TNC: variants seen among roughly 807,000 people sequenced by gnomAD.
The protein encoded by TNC is tenascin C.
In TNC, 109 loss-of-function variants were observed where a neutral mutation model predicts 202.4. The observed-to-expected ratio is 0.54, with a 90% confidence interval of 0.46 to 0.63. The LOEUF (loss-of-function observed/expected upper bound fraction) is 0.63, where lower values mean the gene tolerates loss of function less well. Ranked by LOEUF, TNC falls within the 30% of genes least tolerant of loss-of-function variation. The pLI, the probability that TNC is intolerant of heterozygous loss-of-function variation, is 0.00. For missense variants in TNC, 2,756 were observed against 2,833.3 expected, an observed-to-expected ratio of 0.97 and a Z score of 0.62; for synonymous variants, 1,007 against 1,089.7, an observed-to-expected ratio of 0.92 and a Z score of 1.50.
intron 16 of TNC, among the ~76,000 whole-genome samples, chr9:115,047,240 CT>C (rs397975455): frequency 0.011 from 1,151 of 107,186 alleles, 9 homozygotes; most frequent in African/African-American, 0.028. Flanking sequence ...CTACCCTTGA[CT>C]TTTTTTTTTT....
At chr9:115,065,053 C>T (rs1214909605) in intron 10 of TNC, 134 bp from the exon 11 acceptor site, 1 of 942,926 alleles carries the variant, frequency 1.1e-6, no homozygotes, top group African/African-American at 1.6e-5. Flanking sequence ...TTCACTGCAT[C>T]CCCTACTGGT....
At chr9:115,117,955 C>G (rs943833308) in intron 1 of TNC, 27 bp downstream of exon 1, 2 of 152,168 alleles carry the variant, frequency 1.3e-5, no homozygotes, top group South Asian at 4.1e-4. Flanking sequence ...ATAAGGATCT[C>G]TAGTGATGAG....
intron 25 of TNC, 64 bp downstream of exon 25, chr9:115,029,296 T>C (rs1048576559): frequency 6.8e-7 from 1 of 1,464,540 alleles, no homozygotes; most frequent in Non-Finnish European, 9.6e-7. Context: ...CCCTGTGGGT[T>C]AGGAAAAGTG....
Position 115,090,988 on chromosome 9 carries a change from C to A in TNC, c.31G>T (p.Val11Phe). MGAMTQLLAG[V>F]FLAFLALATE... ...GCGAGGGCAAGGAAAGCAAGAAAGA[C>A]ACCTGCCAACAGCTGAGTCATGGCC... The change falls in exon 2 of 28, where the codon GTC (valine) becomes TTC (phenylalanine). Residue 11 changes from valine (V) to phenylalanine (F), a missense_variant. Val to Phe is a conservative substitution (Grantham distance 50). This residue lies in a region of TNC where 2,559 missense variants were observed against 2,546.0 expected (regional missense o/e 1.01). Coordinates refer to ENST00000350763, the MANE Select transcript of TNC (RefSeq NM_002160.4). 6.2e-7 allele frequency: 1 copy of A among 1,612,872 alleles called. No homozygotes were observed. Among genetic ancestry groups the A allele is most frequent in the Non-Finnish European group, 8.5e-7 (1 of 1,180,022 alleles).
chr9:115,037,538 AT>A (rs1158075020), intron 20 of TNC, among the ~76,000 whole-genome samples: 2 of 151,806 alleles, frequency 1.3e-5, no homozygotes, highest in Admixed American at 1.3e-4. Flanking sequence ...TTTTATTTTT[AT>A]TTTTTTGAGA....
At chr9:115,066,530 C>A (rs1263177150) in intron 10 of TNC, among the ~76,000 whole-genome samples, 1 of 152,174 alleles carries the variant, frequency 6.6e-6, no homozygotes, top group African/African-American at 2.4e-5. Flanking sequence ...TGATTTAACT[C>A]AGACATTTCT....
chr9:115,038,406 G>C (rs1209857093), intron 19 of TNC, 26 bp from the exon 20 acceptor site: 12 of 1,612,006 alleles, frequency 7.4e-6, no homozygotes, highest in Non-Finnish European at 1.0e-5. Flanking sequence ...GTGGACAGGA[G>C]GGAAGTCATT....
In TNC at chr9:115,020,915, T is replaced by C. The variant is rs1177699444; in HGVS notation, c.*242A>G. The C allele has an allele frequency of 6.2e-6, 3 of 484,662 alleles. No homozygotes were observed. The allele number at this position is 484,662 out of a possible 1,614,324, so 30.0% of individuals were successfully genotyped here. On this transcript the variant is annotated 3_prime_UTR_variant, in exon 28 of 28. Transcript: ENST00000350763. ...TTGCGATGTTGTCACTGGGAGATTT[T>C]TGCTGAATCAAACAACAAAACAGAA...
At chr9:115,047,460 C>T (rs914551893) in intron 16 of TNC, among the ~76,000 whole-genome samples, 1 of 152,108 alleles carries the variant, frequency 6.6e-6, no homozygotes, top group Non-Finnish European at 1.5e-5. Flanking sequence ...GATCCTCTTC[C>T]TTAAAAAGTA....
chr9:115,083,046 C>A (rs59487455), intron 4 of TNC, among the ~76,000 whole-genome samples: 2 of 152,124 alleles, frequency 1.3e-5, no homozygotes, highest in African/African-American at 4.8e-5. Flanking sequence ...CTAAAATGAA[C>A]GCAGGCTTTG....
intron 17 of TNC, among the ~76,000 whole-genome samples, chr9:115,045,470 G>T (rs1470462632): frequency 6.6e-6 from 1 of 151,782 alleles, no homozygotes; most frequent in Non-Finnish European, 1.5e-5. Context: ...GGGCTCAAGA[G>T]ATCTTCCTGC....
chr9:115,053,875 A>G (rs896820517), intron 15 of TNC, among the ~76,000 whole-genome samples: 2 of 152,152 alleles, frequency 1.3e-5, no homozygotes, highest in African/African-American at 2.4e-5. Flanking sequence ...CTGCTTAGGA[A>G]ACTCAATTAT....
chr9:115,039,514 T>A (rs1257111199), intron 19 of TNC, among the ~76,000 whole-genome samples: 1 of 152,240 alleles, frequency 6.6e-6, no homozygotes, highest in Non-Finnish European at 1.5e-5. Context: ...CCTCTCCTAC[T>A]ACCCAACATC....
chr9:115,078,319 C>G (rs760941248), intron 6 of TNC, 107 bp from the exon 7 acceptor site: 3 of 1,303,010 alleles, frequency 2.3e-6, no homozygotes, highest in Admixed American at 2.8e-5. Flanking sequence ...AATACTTATA[C>G]TAACTGCTTG....
chr9:115,049,056 T>A (rs1831439112), intron 15 of TNC, among the ~76,000 whole-genome samples: 2 of 116,128 alleles, frequency 1.7e-5, no homozygotes, highest in African/African-American at 7.7e-5. Flanking sequence ...CAAGCTGAAA[T>A]AAAGGGAGGA....
chr9:115,076,507 T>A lies in TNC; in HGVS notation c.2743A>T (p.Asn915Tyr). ...TDNSITLEWR[N>Y]GKAAIDSYRI... ...TAACTGTCAATAGCTGCCTTGCCATTCCTCCATTCCAGGGTGATGCTGTTA... is the reference window on the plus strand; with the variant it reads ...TAACTGTCAATAGCTGCCTTGCCATACCTCCATTCCAGGGTGATGCTGTTA... Residue 915 changes from asparagine (N) to tyrosine (Y), a missense_variant, in exon 8 of 28, where the codon AAT becomes TAT. Physicochemically the swap from Asn to Tyr is moderately radical, Grantham distance 143. Coordinates refer to ENST00000350763, the MANE Select transcript of TNC (RefSeq NM_002160.4). The A allele has an allele frequency of 6.2e-7, 1 of 1,614,214 alleles. No homozygotes were observed. Among genetic ancestry groups the A allele is most frequent in the Non-Finnish European group, 8.5e-7 (1 of 1,180,036 alleles).
intron 16 of TNC, among the ~76,000 whole-genome samples, chr9:115,046,902 A>C (rs1463289522): frequency 2.0e-5 from 3 of 152,330 alleles, no homozygotes; most frequent in African/African-American, 7.2e-5. Flanking sequence ...CAAGTCAAGC[A>C]TATGTTTGCA....
chr9:115,085,334 C>T (rs1888220), intron 3 of TNC, among the ~76,000 whole-genome samples: 3 of 151,980 alleles, frequency 2.0e-5, no homozygotes, highest in African/African-American at 7.3e-5. Flanking sequence ...ATAGGCATTT[C>T]GTCTTTAGCC....
In TNC at chr9:115,090,669, G is replaced by A. The variant is rs557907900; in HGVS notation, c.350C>T (p.Pro117Leu). 12 of 1,613,972 alleles carry A rather than the reference G, an allele frequency of 7.4e-6. No homozygotes were observed. The African/African-American group carries it at 1.6e-4, about 22-fold the overall frequency. Residue 117 changes from proline to leucine, a missense_variant, in exon 2 of 28, where the codon CCT (proline) becomes CTT (leucine). Physicochemically the swap from Pro to Leu is moderately conservative, Grantham distance 98. Transcript: ENST00000350763. ...PRRACGCAAA[P>L]DVKELLSRLE... Reference sequence around the variant, plus strand: ...TCTGCTCAGCAGCTCCTTAACATCAGGGGCTGCGGCACAGCCACAGGCCCG... The same window carrying A: ...TCTGCTCAGCAGCTCCTTAACATCAAGGGCTGCGGCACAGCCACAGGCCCG...
Sources: gnomAD v4.1 joint callset for allele counts (sites outside exome capture counted in the v4.1 genomes callset) on GRCh38, gnomAD v4.1.1 for gene constraint, gnomAD v4.1.1 regional missense constraint, MANE v1.5 for transcripts, NCBI Gene and HGNC (gene_info 2026-07-23, HGNC 2026-07-21) for gene names.